Variants in RBM19 observed in about 807,000 individuals in gnomAD.
RBM19 encodes the protein RNA binding motif protein 19, also known as probable RNA-binding protein 19.
RBM19 carries 94 observed loss-of-function variants against 116.8 expected under a neutral mutation model. The observed-to-expected ratio is 0.80, with a 90% CI of 0.68 to 0.95. The LOEUF (loss-of-function observed/expected upper bound fraction) is 0.95. RBM19 is among the 40% of genes least tolerant of loss of function. The probability of loss-of-function intolerance (pLI) is 0.00; values close to 1 mark genes in which losing one functional copy is unlikely to be tolerated. For missense variants in RBM19, 1,161 were observed against 1,220.7 expected, an observed-to-expected ratio of 0.95 and a Z score of 0.73; for synonymous variants, 475 against 494.1, an observed-to-expected ratio of 0.96 and a Z score of 0.51.
chr12:113,835,096 C>A (rs181114318), intron 23 of RBM19, among the ~76,000 whole-genome samples: 1 of 152,178 alleles, frequency 6.6e-6, no homozygotes. Flanking sequence ...CAGTGCCGAC[C>A]GCACACCTGG....
intron 9 of RBM19, among the ~76,000 whole-genome samples, chr12:113,949,254 C>T (rs1427300583): frequency 1.3e-5 from 2 of 152,218 alleles, no homozygotes; most frequent in African/African-American, 2.4e-5. Flanking sequence ...AGTTCAGCTT[C>T]AGCCCTGGAG....
chr12:113,863,840 T>C (rs1878601360), intron 21 of RBM19, among the ~76,000 whole-genome samples: 1 of 152,212 alleles, frequency 6.6e-6, no homozygotes, highest in Admixed American at 6.5e-5. Context: ...GCTCAATCTC[T>C]TGGCATTAAA....
At chr12:113,902,591 C>A (rs1881766272) in intron 21 of RBM19, among the ~76,000 whole-genome samples, 1 of 115,656 alleles carries the variant, frequency 8.6e-6, no homozygotes, top group African/African-American at 2.9e-5. Context: ...AGAATGAGAC[C>A]CAGTCTCAAA....
intron 22 of RBM19, among the ~76,000 whole-genome samples, chr12:113,849,712 C>T (rs1431269103): frequency 6.6e-6 from 1 of 152,198 alleles, no homozygotes; most frequent in Non-Finnish European, 1.5e-5. Flanking sequence ...CAGCACAGAA[C>T]CCCGAGGATG....
chr12:113,861,536 G>A (rs1878386059), intron 21 of RBM19, among the ~76,000 whole-genome samples: 1 of 151,230 alleles, frequency 6.6e-6, no homozygotes, highest in African/African-American at 2.4e-5. Flanking sequence ...GGGTCGGGGG[G>A]TGGTGGTGTG....
downstream of RBM19, among the ~76,000 whole-genome samples, chr12:113,819,759 G>A (rs531851435): frequency 4.8e-4 from 73 of 152,274 alleles, no homozygotes; most frequent in African/African-American, 1.6e-3. Flanking sequence ...GGAATTTCTC[G>A]TAAGACGCTT....
At chr12:113,841,422 C>CTTT (rs71089416) in intron 23 of RBM19, among the ~76,000 whole-genome samples, 8 of 130,012 alleles carry the variant, frequency 6.2e-5, no homozygotes, top group Non-Finnish European at 1.2e-4. Context: ...TTTTTCTTTT[C>CTTT]TTTTTTTTTT....
chr12:113,874,557 G>A (rs1340063219), intron 21 of RBM19, among the ~76,000 whole-genome samples: 1 of 152,210 alleles, frequency 6.6e-6, no homozygotes, highest in African/African-American at 2.4e-5. Flanking sequence ...TCTGACTGTG[G>A]ATTTTGCTTT....
chr12:113,938,683 C>T (rs193059464), intron 15 of RBM19, among the ~76,000 whole-genome samples: 281 of 152,250 alleles, frequency 1.8e-3, no homozygotes, highest in African/African-American at 6.4e-3. Context: ...TGCATTATCC[C>T]GGCAGAGCCT....
chr12:113,920,476 G>T, intron 19 of RBM19, 135 bp downstream of exon 19: 1 of 802,168 alleles, frequency 1.2e-6, no homozygotes. Flanking sequence ...CAGTCCCGTA[G>T]AGATCTGGGA....
In RBM19 at chr12:113,844,684, C is replaced by T. The variant is rs141166123; in HGVS notation, c.2769G>A (p.Thr923=). ...CGCTCCTACCGTGAAAGTGAGCGGC[C>T]GTCTTCCGCCGCAGGGCCTGCAGGG... The part of the protein sequence containing the change: ...EVTLQALRRK[T]AAHFHEPPKK... Residue 923 remains threonine, a synonymous_variant, in exon 23 of 24, where the codon ACG becomes ACA. Coordinates refer to ENST00000261741, the MANE Select transcript of RBM19 (RefSeq NM_016196.4). 368 of 1,610,830 alleles carry T rather than the reference C, an allele frequency of 2.3e-4. 1 individual carries two copies. Among genetic ancestry groups the T allele is most frequent in the Admixed American group, 8.0e-4 (48 of 59,752 alleles).
Position 113,966,277 on chromosome 12 carries a change from C to G in RBM19, c.-50G>C. 6.2e-7 allele frequency: 1 copy of G among 1,612,314 alleles called. No individual in the cohort carries two copies. The highest frequency in any genetic ancestry group is 8.5e-7 in the Non-Finnish European group (1 of 1,179,028). On this transcript the variant is annotated 5_prime_UTR_variant, in exon 1 of 24. Transcript: ENST00000261741. Reference sequence around the variant, plus strand: ...TTCCAACACGACTGGTCAGCGTCTTCCACCAAGTTTCACGCTACCGCCCTG... The same window carrying G: ...TTCCAACACGACTGGTCAGCGTCTTGCACCAAGTTTCACGCTACCGCCCTG...
intron 23 of RBM19, among the ~76,000 whole-genome samples, chr12:113,829,243 C>T (rs1356211003): frequency 1.3e-5 from 2 of 152,210 alleles, no homozygotes; most frequent in African/African-American, 4.8e-5. Flanking sequence ...GGCCTCCTAA[C>T]GTGCTGGGAT....
intron 21 of RBM19, among the ~76,000 whole-genome samples, chr12:113,886,336 T>A (rs894235687): frequency 6.6e-6 from 1 of 152,162 alleles, no homozygotes. Context: ...TTTCACTATG[T>A]TGTCCATGCT....
At chr12:113,931,860 T>C (rs1236058472) in intron 16 of RBM19, among the ~76,000 whole-genome samples, 1 of 152,324 alleles carries the variant, frequency 6.6e-6, no homozygotes, top group African/African-American at 2.4e-5. Flanking sequence ...TCCATTCTTC[T>C]GCTTTCTTCT....
Position 113,825,886 on chromosome 12 carries a change from A to C in RBM19, c.2786-2565T>G, listed in dbSNP as rs1338167413. On this transcript the variant is annotated intron_variant, in intron 23 of 23. Transcript: ENST00000261741. This position sits in a 1 kb window ranked among gnomAD's most constrained non-coding sequence, Gnocchi z 5.7. ...CCAGAGGGAGCTTGTTAAATCCTCCATCACGGCATGCTGTTCCTTTGCTCA... is the reference window on the plus strand; with the variant it reads ...CCAGAGGGAGCTTGTTAAATCCTCCCTCACGGCATGCTGTTCCTTTGCTCA... Among the ~76,000 whole-genome samples, 1 of 152,230 alleles carries C rather than the reference A, an allele frequency of 6.6e-6. No homozygotes were observed. Among genetic ancestry groups the C allele is most frequent in the East Asian group, 1.9e-4 (1 of 5,192 alleles).
At chr12:113,941,951 G>T (rs551374507) in intron 14 of RBM19, among the ~76,000 whole-genome samples, 1 of 152,306 alleles carries the variant, frequency 6.6e-6, no homozygotes, top group South Asian at 2.1e-4. Context: ...GCTACTTGCT[G>T]GAGAACAGGC....
At chr12:113,913,847 A>G (rs1205294703) in intron 21 of RBM19, among the ~76,000 whole-genome samples, 1 of 152,180 alleles carries the variant, frequency 6.6e-6, no homozygotes, top group Non-Finnish European at 1.5e-5. Flanking sequence ...AGGTCCCCCG[A>G]GCAGTCCTGG....
intron 8 of RBM19, among the ~76,000 whole-genome samples, chr12:113,950,611 T>C (rs1205015492): frequency 6.6e-6 from 1 of 152,160 alleles, no homozygotes; most frequent in East Asian, 1.9e-4. Flanking sequence ...GTCTTTCCTC[T>C]AGCATGAGAG....
Sources: allele counts gnomAD v4.1 joint callset (sites outside exome capture counted in the v4.1 genomes callset), GRCh38; gene constraint gnomAD v4.1.1; non-coding constraint Gnocchi (gnomAD v3.1); transcripts MANE v1.5; gene names NCBI Gene and HGNC (gene_info 2026-07-23, HGNC 2026-07-21).